C10orf88: variants seen among roughly 807,000 people sequenced by gnomAD.
C10orf88 encodes ATPase PAAT.
In C10orf88, 29 loss-of-function variants were observed where a neutral mutation model predicts 34.2. That is an observed-to-expected ratio of 0.85 (90% confidence interval 0.63 to 1.16). C10orf88 has a LOEUF of 1.16. Ranked by LOEUF, C10orf88 falls within the 50% of genes most tolerant of loss-of-function variation. The pLI is 0.00. For synonymous variants in C10orf88, 194 were observed against 197.4 expected (o/e 0.98, Z 0.15); for missense variants, 507 against 533.2 (o/e 0.95, Z 0.48).
intron 4 of C10orf88, 49 bp from the exon 5 acceptor site, chr10:122,938,208 A>AGTAATT: frequency 6.9e-7 from 1 of 1,443,630 alleles, no homozygotes; most frequent in Non-Finnish European, 9.4e-7. Flanking sequence ...ACTGACAGCT[A>AGTAATT]ACTTTTGGAG....
At chr10:122,944,754 T>C (rs1848622261) in intron 4 of C10orf88, among the ~76,000 whole-genome samples, 1 of 151,846 alleles carries the variant, frequency 6.6e-6, no homozygotes, top group Admixed American at 6.6e-5. Context: ...AGCTCAAATC[T>C]CACAAGCTTT....
At chr10:122,943,946 C>T (rs1848610122) in intron 4 of C10orf88, among the ~76,000 whole-genome samples, 1 of 151,838 alleles carries the variant, frequency 6.6e-6, no homozygotes, top group East Asian at 1.9e-4. Context: ...ACTAGTTCAA[C>T]CATTGTGGAA....
chr10:122,933,700 G>A (rs888172400), intron 5 of C10orf88, among the ~76,000 whole-genome samples: 4 of 152,160 alleles, frequency 2.6e-5, no homozygotes, highest in African/African-American at 9.7e-5. Flanking sequence ...TAGAGATTTA[G>A]TGTATAAATA....
In C10orf88 at chr10:122,939,985, T is replaced by A. The variant is rs142382738; in HGVS notation, c.649-1826A>T. 2.2e-4 allele frequency among the ~76,000 whole-genome samples: 33 copies of A among 152,092 alleles called. No homozygotes were observed. The East Asian group carries it at 6.2e-3, about 28-fold the overall frequency. The stretch of plus-strand genomic sequence containing the variant: ...ATAGTATAGCAGTGATGAAAAACAG[T>A]ATGGAGGCTCCTCAAAAAATTAAAA... On this transcript the variant is annotated intron_variant, in intron 4 of 5. Coordinates refer to ENST00000481909, the MANE Select transcript of C10orf88 (RefSeq NM_024942.4).
chr10:122,947,893 CATT>C (rs1055115470), intron 4 of C10orf88, among the ~76,000 whole-genome samples: 8 of 152,154 alleles, frequency 5.3e-5, no homozygotes, highest in Non-Finnish European at 1.2e-4. Flanking sequence ...TAGCATCCAG[CATT>C]ATGTTACTAC....
intron 4 of C10orf88, among the ~76,000 whole-genome samples, chr10:122,944,239 A>G (rs1164166180): frequency 1.3e-5 from 2 of 151,880 alleles, no homozygotes; most frequent in Non-Finnish European, 2.9e-5. Context: ...CATGGATGAA[A>G]TTGGAAACCA....
intron 4 of C10orf88, among the ~76,000 whole-genome samples, chr10:122,944,822 T>C (rs1270792794): frequency 6.6e-6 from 1 of 151,472 alleles, no homozygotes. Flanking sequence ...TTCCTCTTTA[T>C]CTCTAAACTT....
chr10:122,935,894 C>T (rs1262964282), intron 5 of C10orf88, among the ~76,000 whole-genome samples: 1 of 151,382 alleles, frequency 6.6e-6, no homozygotes. Context: ...TATAGATTTA[C>T]ATATTTTACA....
In C10orf88 at chr10:122,954,142, G is replaced by A; in HGVS notation, c.37C>T (p.Arg13Cys). 6.3e-7 allele frequency: 1 copy of A among 1,583,766 alleles called. No individual in the cohort carries two copies. The highest frequency in any genetic ancestry group is 1.1e-5 in the South Asian group (1 of 87,722). The change falls in exon 1 of 6, where the codon CGC becomes TGC. Residue 13 changes from arginine to cysteine, a missense_variant. Physicochemically the swap from Arg to Cys is radical, Grantham distance 180. Transcript: ENST00000481909. ...TCCCAAGAAGAGGCCAGCGTGGGGC[G>A]GCGGGTGAGGCCCCCGTCCTCGGTC... is the stretch of plus-strand genomic sequence containing the variant. Reference protein sequence around the residue: ...TRTEDGGLTRRPTLASSWDVA... With the variant: ...TRTEDGGLTRCPTLASSWDVA...
chr10:122,944,309 G>T (rs1380742746), intron 4 of C10orf88, among the ~76,000 whole-genome samples: 5 of 147,988 alleles, frequency 3.4e-5, no homozygotes, highest in Non-Finnish European at 7.4e-5. Context: ...CTCACTCATA[G>T]GTGGGAATTG....
At chr10:122,941,661 C>T (rs1484401718) in intron 4 of C10orf88, among the ~76,000 whole-genome samples, 1 of 152,064 alleles carries the variant, frequency 6.6e-6, no homozygotes, top group Non-Finnish European at 1.5e-5. Context: ...CCTAGAGAAC[C>T]AGGTACATCC....
chr10:122,942,225 A>G (rs979892218), intron 4 of C10orf88, among the ~76,000 whole-genome samples: 1 of 152,204 alleles, frequency 6.6e-6, no homozygotes, highest in Non-Finnish European at 1.5e-5. Flanking sequence ...CCATTAAAAG[A>G]GTTATTATCA....
At position 122,932,400 on chromosome 10, in the gene C10orf88, C is replaced by T; in HGVS notation, c.*27G>A. On this transcript the variant is annotated 3_prime_UTR_variant, in exon 6 of 6. Transcript: ENST00000481909. ...TTTGTAATAAATATGTAATAAATAT[C>T]TGCAGTACACTGTTTATGTTGAGAG... 1 of 1,527,682 alleles carries T rather than the reference C, an allele frequency of 6.5e-7. No homozygotes were observed. Among genetic ancestry groups the T allele is most frequent in the Non-Finnish European group, 9.0e-7 (1 of 1,116,638 alleles). 94.6% of individuals were successfully genotyped at this position (1,527,682 alleles called of 1,614,324 possible). A position where few individuals can be genotyped will look rare whatever the true frequency, so the allele number is the denominator to read the frequency against.
Position 122,951,087 on chromosome 10 carries a change from G to A in C10orf88, c.441+867C>T, listed in dbSNP as rs150860050. On this transcript the variant is annotated intron_variant, in intron 3 of 5. Coordinates refer to ENST00000481909, the MANE Select transcript of C10orf88 (RefSeq NM_024942.4). ...AGGACAGAACTGAATTAGCATTCAG[G>A]GCTTAAGACTTCCAATCCATTACCT... 7.5e-3 allele frequency among the ~76,000 whole-genome samples: 1,143 copies of A among 152,152 alleles called. 14 individuals are homozygous for A. The highest frequency in any genetic ancestry group is 0.026 in the African/African-American group (1,086 of 41,510).
chr10:122,933,812 T>C (rs1464799436), intron 5 of C10orf88, among the ~76,000 whole-genome samples: 1 of 152,226 alleles, frequency 6.6e-6, no homozygotes, highest in Non-Finnish European at 1.5e-5. Flanking sequence ...TACATGATAA[T>C]GCAGCCAAAA....
At chr10:122,944,372 T>C (rs1848616065) in intron 4 of C10orf88, among the ~76,000 whole-genome samples, 1 of 99,676 alleles carries the variant, frequency 1.0e-5, no homozygotes, top group Non-Finnish European at 1.9e-5. Flanking sequence ...CTGGGGACTG[T>C]TGTGGGGTGG....
At chr10:122,942,963 A>C (rs1848600359) in intron 4 of C10orf88, among the ~76,000 whole-genome samples, 1 of 150,050 alleles carries the variant, frequency 6.7e-6, no homozygotes, top group Non-Finnish European at 1.5e-5. Context: ...GGTAATTTAC[A>C]GATTCAATGC....
At chr10:122,938,726 T>C (rs1208887223) in intron 4 of C10orf88, among the ~76,000 whole-genome samples, 1 of 152,042 alleles carries the variant, frequency 6.6e-6, no homozygotes, top group Non-Finnish European at 1.5e-5. Flanking sequence ...TTTCAATGAC[T>C]GAAATTAGCT....
At chr10:122,948,218 GC>G (rs1451093661) in intron 4 of C10orf88, among the ~76,000 whole-genome samples, 1 of 151,886 alleles carries the variant, frequency 6.6e-6, no homozygotes, top group Non-Finnish European at 1.5e-5. Flanking sequence ...GTCTGAAATG[GC>G]CTTCTTCCAA....
Sources: allele counts gnomAD v4.1 joint callset (sites outside exome capture counted in the v4.1 genomes callset), GRCh38; gene constraint gnomAD v4.1.1; transcripts MANE v1.5; gene names NCBI Gene and HGNC (gene_info 2026-07-23, HGNC 2026-07-21).